The following RBM26 variants were observed in gnomAD, a reference collection of about 807,000 sequenced individuals.
The protein encoded by RBM26 is RNA binding motif protein 26.
A neutral mutation model predicts 123.6 loss-of-function variants in RBM26; 30 were observed. The observed-to-expected ratio is 0.24, with a 90% CI of 0.18 to 0.33. RBM26 has a LOEUF of 0.33. RBM26 is among the 10% of genes least tolerant of loss of function. The pLI is 1.00. For synonymous variants in RBM26, 400 were observed against 404.4 expected (o/e 0.99, Z 0.13); for missense variants, 947 against 1,203.6 (o/e 0.79, Z 3.15).
At chr13:79,371,244 T>C (rs2075843651) in intron 4 of RBM26, 82 bp from the exon 5 acceptor site, 1 of 1,109,832 alleles carries the variant, frequency 9.0e-7, no homozygotes, top group Non-Finnish European at 1.3e-6. Context: ...AAGTTACATT[T>C]AATTCTTGTA....
At chr13:79,317,056 C>G (rs2067215245), downstream of RBM26, among the ~76,000 whole-genome samples, 1 of 151,672 alleles carries the variant, frequency 6.6e-6, no homozygotes, top group Non-Finnish European at 1.5e-5. Context: ...CTGACTCTAT[C>G]TGCATTACTA....
intron 1 of RBM26, among the ~76,000 whole-genome samples, chr13:79,379,371 C>CAAA (rs1160901778): frequency 5.0e-5 from 4 of 79,462 alleles, no homozygotes; most frequent in East Asian, 7.8e-4. Context: ...CAGTCTCTAC[C>CAAA]AAAAAAAAAA....
intron 6 of RBM26, among the ~76,000 whole-genome samples, chr13:79,367,829 TAAAAAAACA>T (rs2075469426): frequency 6.6e-6 from 1 of 151,716 alleles, no homozygotes; most frequent in African/African-American, 2.4e-5. Context: ...GTATACATAC[TAAAAAAACA>T]AAAAAAACAC....
chr13:79,337,533 C>T (rs865780637), intron 18 of RBM26, among the ~76,000 whole-genome samples: 1 of 152,208 alleles, frequency 6.6e-6, no homozygotes, highest in Non-Finnish European at 1.5e-5. Context: ...ACTAAATGTG[C>T]CTTTTTCTAA....
At chr13:79,393,679 G>C (rs2078296394) in intron 1 of RBM26, among the ~76,000 whole-genome samples, 1 of 152,016 alleles carries the variant, frequency 6.6e-6, no homozygotes. Context: ...AATTCCTCTT[G>C]GTCACAAGTG....
intron 21 of RBM26, among the ~76,000 whole-genome samples, chr13:79,321,371 T>C (rs1311597166): frequency 6.6e-6 from 1 of 151,456 alleles, no homozygotes; most frequent in Non-Finnish European, 1.5e-5. Context: ...CATTTGACTA[T>C]GGATATGTAT....
At chr13:79,328,226 C>T (rs986641130) in intron 20 of RBM26, among the ~76,000 whole-genome samples, 2 of 152,048 alleles carry the variant, frequency 1.3e-5, no homozygotes, top group Non-Finnish European at 2.9e-5. Context: ...GGAATCCAAA[C>T]TGCCCTGACA....
chr13:79,372,764 TTTATA>T (rs2076041216), intron 3 of RBM26, among the ~76,000 whole-genome samples: 1 of 104,640 alleles, frequency 9.6e-6, no homozygotes, highest in Non-Finnish European at 1.7e-5. Context: ...TATTATATAT[TTTATA>T]TTATATATAA....
Position 79,333,385 on chromosome 13 carries a change from T to C in RBM26, c.2820+959A>G, listed in dbSNP as rs1474160267. 9.9e-5 allele frequency among the ~76,000 whole-genome samples: 15 copies of C among 152,082 alleles called. No individual in the cohort carries two copies. The East Asian group carries it at 2.9e-3, about 29-fold the overall frequency. ...CCAGTTGAATGACTTATCAGACCCA[T>C]AGTCTTATGGTTACAATGCCCCAAG... On this transcript the variant is annotated intron_variant, in intron 20 of 21. Transcript: ENST00000438737.
At chr13:79,340,209 A>C (rs1238625383) in intron 18 of RBM26, among the ~76,000 whole-genome samples, 1 of 152,016 alleles carries the variant, frequency 6.6e-6, no homozygotes, top group Admixed American at 6.6e-5. Flanking sequence ...ACATGCAACC[A>C]CATCAAGTTT....
chr13:79,374,863 A>C (rs2140168241), intron 3 of RBM26, among the ~76,000 whole-genome samples: 1 of 151,970 alleles, frequency 6.6e-6, no homozygotes, highest in East Asian at 1.9e-4. Flanking sequence ...AGTATCTCCC[A>C]CAATTGGTTG....
In RBM26 at chr13:79,334,346, C is replaced by T; in HGVS notation, c.2818G>A (p.Ala940Thr). 2 of 1,502,228 alleles carry T rather than the reference C, an allele frequency of 1.3e-6. No individual in the cohort carries two copies. Among genetic ancestry groups the T allele is most frequent in the Non-Finnish European group, 9.0e-7 (1 of 1,108,258 alleles). 93.1% of individuals were successfully genotyped at this position (1,502,228 alleles called of 1,614,324 possible). A position where few individuals can be genotyped will look rare whatever the true frequency, so the allele number is the denominator to read the frequency against. ...GATAAATTATTTTTAAAACTTACTG[C>T]TTCAGCTTCTGCTCTTGTCTTGAAT... ...ITFKTRAEAEAAAVHGARFKG... is the reference protein window; with the variant it reads ...ITFKTRAEAETAAVHGARFKG... The change falls in exon 20 of 22, where the codon GCA becomes ACA. Residue 940 changes from alanine (A) to threonine (T), a missense_variant and splice_region_variant. By Grantham distance (58) the Ala-to-Thr change is moderately conservative. This residue lies in a region of RBM26 where 164 missense variants were observed against 215.3 expected (regional missense o/e 0.76). Coordinates refer to ENST00000438737, the MANE Select transcript of RBM26 (RefSeq NM_001366735.2).
At chr13:79,379,929 A>G (rs1566539150) in intron 1 of RBM26, among the ~76,000 whole-genome samples, 1 of 152,242 alleles carries the variant, frequency 6.6e-6, no homozygotes, top group African/African-American at 2.4e-5. Context: ...AATTTAAGTT[A>G]CACTGAAATA....
At chr13:79,386,658 G>GT (rs71204717) in intron 1 of RBM26, among the ~76,000 whole-genome samples, 226 of 133,236 alleles carry the variant, frequency 1.7e-3, no homozygotes, top group South Asian at 9.9e-3. Flanking sequence ...CATATTTAGG[G>GT]TTTTTTTTTT....
chr13:79,367,420 A>AAAAAAAAAAAAAAAAAAAAAAAAAAAG (rs2075394237), intron 6 of RBM26, among the ~76,000 whole-genome samples: 1 of 134,726 alleles, frequency 7.4e-6, no homozygotes, highest in Admixed American at 7.7e-5. Context: ...AAAAAAAAAA[A>AAAAAAAAAAAAAAAAAAAAAAAAAAAG]AAAAAAAAAA....
At chr13:79,400,843 T>C (rs1026572661) in intron 1 of RBM26, among the ~76,000 whole-genome samples, 3 of 152,180 alleles carry the variant, frequency 2.0e-5, no homozygotes, top group Non-Finnish European at 4.4e-5. Context: ...GTTGTAATTA[T>C]ATTACAACGA....
chr13:79,391,832 A>G (rs1186967439), intron 1 of RBM26, among the ~76,000 whole-genome samples: 1 of 151,824 alleles, frequency 6.6e-6, no homozygotes, highest in Non-Finnish European at 1.5e-5. Context: ...ATACATGAAA[A>G]GCTCCTACAA....
At chr13:79,354,678 G>T in intron 12 of RBM26, 108 bp from the exon 13 acceptor site, 1 of 1,002,362 alleles carries the variant, frequency 1.0e-6, no homozygotes, top group Non-Finnish European at 1.3e-6. Flanking sequence ...TTTTTAAAAT[G>T]CAGCTTATAG....
chr13:79,374,295 A>G (rs747286759), intron 3 of RBM26, among the ~76,000 whole-genome samples: 1 of 152,028 alleles, frequency 6.6e-6, no homozygotes, highest in Non-Finnish European at 1.5e-5. Context: ...ACGCTGAAAT[A>G]TCATCTCTAC....
Sources: gnomAD v4.1 joint callset for allele counts (sites outside exome capture counted in the v4.1 genomes callset) on GRCh38, gnomAD v4.1.1 for gene constraint, gnomAD v4.1.1 regional missense constraint, MANE v1.5 for transcripts, NCBI Gene and HGNC (gene_info 2026-07-23, HGNC 2026-07-21) for gene names.